The following RMDN2 variants were observed in gnomAD, a reference collection of about 807,000 sequenced individuals.
RMDN2 encodes regulator of microtubule dynamics protein 2.
RMDN2 carries 61 observed loss-of-function variants against 52.8 expected under a neutral mutation model. The ratio of observed to expected loss-of-function variants is 1.16; its 90% CI spans 0.94 to 1.43. The LOEUF (loss-of-function observed/expected upper bound fraction) is 1.43. RMDN2 is among the 40% of genes most tolerant of loss of function. The probability of loss-of-function intolerance (pLI) is 0.00; values close to 1 mark genes in which losing one functional copy is unlikely to be tolerated. For missense variants in RMDN2, 592 were observed against 475.3 expected, an observed-to-expected ratio of 1.25 and a Z score of -2.28; for synonymous variants, 180 against 153.1, an observed-to-expected ratio of 1.18 and a Z score of -1.30.
chr2:37,930,547 G>A (rs1666646593), intron 2 of RMDN2, among the ~76,000 whole-genome samples: 1 of 152,178 alleles, frequency 6.6e-6, no homozygotes, highest in Non-Finnish European at 1.5e-5. Flanking sequence ...CAAGCTGGAG[G>A]GCAGGGCGCA....
chr2:37,931,757 A>G (rs1666763684), intron 2 of RMDN2, among the ~76,000 whole-genome samples: 1 of 152,246 alleles, frequency 6.6e-6, no homozygotes. Context: ...AGGATTTGTG[A>G]AATTTATGAA....
At chr2:37,978,036 G>C (rs554671572) in intron 4 of RMDN2, among the ~76,000 whole-genome samples, 122 of 152,318 alleles carry the variant, frequency 8.0e-4, no homozygotes, top group Non-Finnish European at 1.6e-3. Context: ...GCAACATTGA[G>C]CACTGAGTGA....
chr2:37,939,871 G>T (rs1667630436), intron 2 of RMDN2, among the ~76,000 whole-genome samples: 3 of 152,098 alleles, frequency 2.0e-5, no homozygotes, highest in Admixed American at 2.0e-4. Flanking sequence ...GGGGCATTTA[G>T]CCCATTTACA....
At chr2:37,944,731 C>T (rs1668080961) in intron 2 of RMDN2, among the ~76,000 whole-genome samples, 1 of 152,088 alleles carries the variant, frequency 6.6e-6, no homozygotes, top group Non-Finnish European at 1.5e-5. Context: ...AGAGTAGACA[C>T]TTATTTCAAG....
intron 10 of RMDN2, among the ~76,000 whole-genome samples, chr2:38,023,134 A>T (rs1480776564): frequency 6.6e-6 from 1 of 152,224 alleles, no homozygotes; most frequent in African/African-American, 2.4e-5. Context: ...AACATTTGAT[A>T]TTACCCCATT....
intron 2 of RMDN2, among the ~76,000 whole-genome samples, chr2:37,973,739 G>A (rs1672096564): frequency 6.6e-6 from 1 of 152,124 alleles, no homozygotes; most frequent in South Asian, 2.1e-4. Flanking sequence ...AAAGGGAACA[G>A]CAAGTGGAGG....
chr2:38,044,986 C>T (rs1157775481), intron 10 of RMDN2, among the ~76,000 whole-genome samples: 2 of 151,168 alleles, frequency 1.3e-5, no homozygotes, highest in African/African-American at 4.9e-5. Context: ...CCCATGCATT[C>T]AAGCTCTTAT....
chr2:37,962,399 A>G (rs1008225877), intron 2 of RMDN2, among the ~76,000 whole-genome samples: 2 of 152,104 alleles, frequency 1.3e-5, no homozygotes, highest in Non-Finnish European at 2.9e-5. Context: ...CCCAGAGAGG[A>G]GGAATCTAGA....
At chr2:38,037,685 T>C (rs1162343853) in intron 10 of RMDN2, among the ~76,000 whole-genome samples, 3 of 152,208 alleles carry the variant, frequency 2.0e-5, no homozygotes, top group Non-Finnish European at 2.9e-5. Flanking sequence ...CCATTTTTAG[T>C]GTGAAAGTGT....
chr2:38,043,703 C>T (rs1681101838), intron 10 of RMDN2, among the ~76,000 whole-genome samples: 1 of 151,976 alleles, frequency 6.6e-6, no homozygotes, highest in African/African-American at 2.4e-5. Context: ...AATACATTTG[C>T]AAGTAGTCTA....
At chr2:38,025,411 A>G (rs974213218) in intron 10 of RMDN2, among the ~76,000 whole-genome samples, 3 of 152,080 alleles carry the variant, frequency 2.0e-5, no homozygotes, top group African/African-American at 4.8e-5. Context: ...TACTGTGATT[A>G]TATCAGTTGT....
At chr2:37,952,874 A>G (rs1487156079) in intron 2 of RMDN2, 19 of 152,030 alleles carry the variant, frequency 1.2e-4, no homozygotes, top group Admixed American at 1.2e-3. Context: ...AAGTATGTAT[A>G]TTAGTCTCCC....
At chr2:37,938,537 G>C (rs1050996438) in intron 2 of RMDN2, among the ~76,000 whole-genome samples, 5 of 152,170 alleles carry the variant, frequency 3.3e-5, no homozygotes, top group African/African-American at 9.7e-5. Context: ...GCTTTTTATG[G>C]TTGGTAGGCT....
At chr2:38,059,273 C>G (rs188120214) in intron 10 of RMDN2, among the ~76,000 whole-genome samples, 1 of 152,114 alleles carries the variant, frequency 6.6e-6, no homozygotes, top group African/African-American at 2.4e-5. Context: ...CTACATTGTA[C>G]AGCACAGGTC....
At chr2:38,010,767 G>T (rs2100051) in intron 10 of RMDN2, among the ~76,000 whole-genome samples, 88,771 of 151,946 alleles carry the variant, frequency 0.58, 27,470 homozygotes, top group East Asian at 0.9. Context: ...GGTACCTCAG[G>T]TGGAAATGCA....
At chr2:37,946,684 T>A (rs894847498) in intron 2 of RMDN2, among the ~76,000 whole-genome samples, 1 of 152,198 alleles carries the variant, frequency 6.6e-6, no homozygotes, top group African/African-American at 2.4e-5. Flanking sequence ...GATTCAAGAC[T>A]ATATACTACC....
chr2:38,049,152 G>A (rs1264138599), intron 10 of RMDN2, among the ~76,000 whole-genome samples: 2 of 152,206 alleles, frequency 1.3e-5, no homozygotes, highest in Non-Finnish European at 2.9e-5. Flanking sequence ...TAGTTTGAGG[G>A]ATTGTTTCTT....
chr2:37,969,287 G>T (rs1671486347), intron 2 of RMDN2, among the ~76,000 whole-genome samples: 1 of 151,800 alleles, frequency 6.6e-6, no homozygotes. Context: ...TGCATTAAAA[G>T]TATAAATTAA....
At chr2:37,964,258 A>G (rs1453998106) in intron 2 of RMDN2, among the ~76,000 whole-genome samples, 2 of 152,018 alleles carry the variant, frequency 1.3e-5, no homozygotes, top group Admixed American at 6.6e-5. Flanking sequence ...CATACACGTG[A>G]GTTTCTTTGG....
Sources: allele counts gnomAD v4.1 joint callset (sites outside exome capture counted in the v4.1 genomes callset), GRCh38; gene constraint gnomAD v4.1.1; transcripts MANE v1.5; gene names NCBI Gene and HGNC (gene_info 2026-07-23, HGNC 2026-07-21).